MTDH: variants seen among roughly 807,000 people sequenced by gnomAD.
The protein encoded by MTDH is metadherin, also known as protein LYRIC.
MTDH carries 34 observed loss-of-function variants against 72.7 expected under a neutral mutation model. The observed-to-expected ratio is 0.47, with a 90% confidence interval of 0.36 to 0.62. The LOEUF (loss-of-function observed/expected upper bound fraction) is 0.62, where lower values mean the gene tolerates loss of function less well. Ranked by LOEUF, MTDH falls within the 20% of genes least tolerant of loss-of-function variation. The pLI, the probability that MTDH is intolerant of heterozygous loss-of-function variation, is 0.00. For synonymous variants in MTDH, 266 were observed against 268.9 expected, an observed-to-expected ratio of 0.99 and a Z score of 0.10; for missense variants, 677 against 699.4, an observed-to-expected ratio of 0.97 and a Z score of 0.36.
intron 1 of MTDH, among the ~76,000 whole-genome samples, chr8:97,649,968 CTTTTT>C (rs898740052): frequency 2.0e-5 from 3 of 149,892 alleles, no homozygotes; most frequent in African/African-American, 7.4e-5. Flanking sequence ...CTTTTCTTTT[CTTTTT>C]GAAACGGAGT....
chr8:97,721,745 A>T (rs1476072765), intron 10 of MTDH, among the ~76,000 whole-genome samples: 1 of 152,226 alleles, frequency 6.6e-6, no homozygotes, highest in Non-Finnish European at 1.5e-5. Flanking sequence ...GATATGCTTC[A>T]GTGAGGCAAA....
chr8:97,661,911 C>T (rs1200374079), intron 2 of MTDH, among the ~76,000 whole-genome samples: 3 of 138,092 alleles, frequency 2.2e-5, no homozygotes, highest in African/African-American at 5.6e-5. Flanking sequence ...CACCCGAGAC[C>T]CTGTCTCAAA....
chr8:97,723,999 C>T (rs1291785879), intron 11 of MTDH, among the ~76,000 whole-genome samples: 3 of 151,978 alleles, frequency 2.0e-5, no homozygotes, highest in Admixed American at 6.6e-5. Flanking sequence ...ATCGCAGCTA[C>T]TCGGGAGGCT....
At chr8:97,682,895 G>T (rs896026115) in intron 2 of MTDH, among the ~76,000 whole-genome samples, 9 of 151,846 alleles carry the variant, frequency 5.9e-5, no homozygotes, top group African/African-American at 1.9e-4. Flanking sequence ...GAATGATTTA[G>T]CCCAAAGTCA....
At chr8:97,705,024 C>T (rs1814290213) in intron 7 of MTDH, among the ~76,000 whole-genome samples, 2 of 152,224 alleles carry the variant, frequency 1.3e-5, no homozygotes, top group Admixed American at 1.3e-4. Flanking sequence ...TAAGGCCGGG[C>T]ACAGTGGCTC....
rs185626302 is a variant in MTDH at position 97,658,240 on chromosome 8, C to T, written c.382-2832C>T. On this transcript the variant is annotated intron_variant, in intron 1 of 11. Transcript: ENST00000336273. The stretch of plus-strand genomic sequence containing the variant: ...CTACACAGGTCAGAGAGAACAGCTG[C>T]GATTAGAGCTATTATGTAGATTGAT... 9.9e-5 allele frequency among the ~76,000 whole-genome samples: 15 copies of T among 152,184 alleles called. No homozygotes were observed. The East Asian group carries it at 2.5e-3, about 25-fold the overall frequency.
At chr8:97,681,334 A>T (rs1006402112) in intron 2 of MTDH, among the ~76,000 whole-genome samples, 2 of 152,082 alleles carry the variant, frequency 1.3e-5, no homozygotes, top group Admixed American at 6.6e-5. Context: ...TAAGGTTGAG[A>T]TCAATTTGTG....
chr8:97,657,849 G>A (rs1004300882), intron 1 of MTDH, among the ~76,000 whole-genome samples: 1 of 152,048 alleles, frequency 6.6e-6, no homozygotes. Context: ...CAATCACAAG[G>A]GTAGACACAT....
intron 2 of MTDH, among the ~76,000 whole-genome samples, 191 bp downstream of exon 2, chr8:97,661,364 G>A (rs952369780): frequency 2.2e-4 from 33 of 151,984 alleles, no homozygotes; most frequent in South Asian, 4.2e-4. Flanking sequence ...AAGGAAAGTT[G>A]CATCACCAAA....
intron 2 of MTDH, among the ~76,000 whole-genome samples, chr8:97,664,148 G>C (rs957445040): frequency 6.6e-6 from 1 of 152,196 alleles, no homozygotes; most frequent in Non-Finnish European, 1.5e-5. Context: ...CTGAGATCGG[G>C]AGTTTGAGAT....
intron 8 of MTDH, among the ~76,000 whole-genome samples, chr8:97,708,264 C>CTTTTTTTTTTTTTTTTTTTT (rs71271145): frequency 3.1e-5 from 1 of 32,070 alleles, no homozygotes; most frequent in African/African-American, 1.8e-4. Context: ...CATGCCAGGC[C>CTTTTTTTTTTTTTTTTTTTT]TTTTTTTTTT....
intron 7 of MTDH, among the ~76,000 whole-genome samples, chr8:97,700,122 G>A (rs949466961): frequency 6.6e-6 from 1 of 152,036 alleles, no homozygotes; most frequent in Non-Finnish European, 1.5e-5. Context: ...TGTTTTAAAT[G>A]AATGTCTGTT....
At position 97,686,858 on chromosome 8, in the gene MTDH, T is replaced by C. The variant is rs1033293687; in HGVS notation, c.568+106T>C. On this transcript the variant is annotated intron_variant, in intron 3 of 11. Transcript: ENST00000336273. Reference sequence around the variant, plus strand: ...TTTACTTAATTTTGTGTTTAGCTCTTCTTTTTTATTACTGTAGACCTTAAT... The same window carrying C: ...TTTACTTAATTTTGTGTTTAGCTCTCCTTTTTTATTACTGTAGACCTTAAT... The C allele has an allele frequency of 2.6e-5, 17 of 648,372 alleles. 1 individual carries two copies. The African/African-American group carries it at 2.9e-4, about 11-fold the overall frequency. The allele number at this position is 648,372 out of a possible 1,614,324, so 40.2% of individuals were successfully genotyped here. A position where few individuals can be genotyped will look rare whatever the true frequency, so the allele number is the denominator to read the frequency against.
chr8:97,676,882 G>A (rs755204761), intron 2 of MTDH, among the ~76,000 whole-genome samples: 1 of 151,554 alleles, frequency 6.6e-6, no homozygotes, highest in Non-Finnish European at 1.5e-5. Context: ...GCACATACCC[G>A]TAGTCCCAGC....
intron 7 of MTDH, among the ~76,000 whole-genome samples, chr8:97,702,080 A>G (rs367912984): frequency 6.6e-6 from 1 of 152,320 alleles, no homozygotes; most frequent in East Asian, 1.9e-4. Flanking sequence ...ATGATTTAGT[A>G]TTTTAGATTA....
At chr8:97,662,398 A>C (rs1427133524) in intron 2 of MTDH, among the ~76,000 whole-genome samples, 3 of 150,328 alleles carry the variant, frequency 2.0e-5, no homozygotes, top group Non-Finnish European at 4.4e-5. Context: ...GAAAAAAAAA[A>C]CAAACAAAAA....
chr8:97,723,635 C>T (rs548669382), intron 11 of MTDH, among the ~76,000 whole-genome samples: 10 of 149,286 alleles, frequency 6.7e-5, no homozygotes, highest in Middle Eastern at 3.4e-3. Flanking sequence ...CCCAGCTACT[C>T]GGGAGGCTGA....
chr8:97,651,455 T>C (rs573171267), intron 1 of MTDH, among the ~76,000 whole-genome samples: 4 of 152,250 alleles, frequency 2.6e-5, no homozygotes, highest in South Asian at 4.2e-4. Context: ...GCAAAATATG[T>C]GACACTAAAT....
intron 1 of MTDH, among the ~76,000 whole-genome samples, chr8:97,654,303 A>G (rs1368773347): frequency 1.3e-5 from 2 of 152,242 alleles, no homozygotes; most frequent in Non-Finnish European, 2.9e-5. Flanking sequence ...TGCTGTGTGC[A>G]TAACATTTGG....
Sources: gnomAD v4.1 joint callset for allele counts (sites outside exome capture counted in the v4.1 genomes callset) on GRCh38, gnomAD v4.1.1 for gene constraint, MANE v1.5 for transcripts, NCBI Gene and HGNC (gene_info 2026-07-23, HGNC 2026-07-21) for gene names.